Variants in ENOX2 observed in about 807,000 individuals in gnomAD.
The protein encoded by ENOX2 is ecto-NOX disulfide-thiol exchanger 2, also known as APK1 antigen.
Under a neutral mutation model 45.0 loss-of-function variants are expected in ENOX2, and 36 were observed. That is an observed-to-expected ratio of 0.80 (90% CI 0.61 to 1.06). ENOX2 has a LOEUF of 1.06. Among genes scored for constraint, ENOX2 ranks in the 50% least tolerant of loss-of-function variants. The pLI, the probability that ENOX2 is intolerant of heterozygous loss-of-function variation, is 0.00. For synonymous variants in ENOX2, 174 were observed against 152.3 expected, an observed-to-expected ratio of 1.14 and a Z score of -1.05; for missense variants, 423 against 462.5, an observed-to-expected ratio of 0.91 and a Z score of 0.78.
intron 3 of ENOX2, among the ~76,000 whole-genome samples, chrX:130,731,323 A>G (rs776284510): frequency 1.8e-5 from 2 of 112,478 alleles, no homozygotes; most frequent in Non-Finnish European, 3.8e-5. Flanking sequence ...TATAAAAGGC[A>G]TAAAGCCATA....
chrX:130,893,168 T>C (rs1257716502), intron 2 of ENOX2, among the ~76,000 whole-genome samples: 2 of 112,393 alleles, frequency 1.8e-5, no homozygotes, highest in Non-Finnish European at 3.8e-5. Context: ...AGAATTCTTA[T>C]ATGATGCTTG....
chrX:130,814,692 T>C (rs1603357180), intron 2 of ENOX2, among the ~76,000 whole-genome samples: 1 of 111,835 alleles, frequency 8.9e-6, no homozygotes. Context: ...CAGAAAGGAA[T>C]AGCATCAACA....
intron 2 of ENOX2, among the ~76,000 whole-genome samples, chrX:130,891,264 C>T (rs1488002512): frequency 2.7e-5 from 3 of 109,668 alleles, no homozygotes; most frequent in Non-Finnish European, 5.7e-5. Context: ...CTTGTTCAGC[C>T]TCAGAAATAA....
intron 2 of ENOX2, among the ~76,000 whole-genome samples, chrX:130,841,500 C>T (rs2078013696): frequency 8.9e-6 from 1 of 112,118 alleles, no homozygotes; most frequent in South Asian, 3.8e-4. Context: ...TAATCCTTTA[C>T]AGGGCTAGAG....
At chrX:130,626,718 A>G (rs914303228) in intron 14 of ENOX2, among the ~76,000 whole-genome samples, 1 of 111,782 alleles carries the variant, frequency 8.9e-6, no homozygotes. Context: ...GCTAGAATGA[A>G]AGCAAATGCC....
In ENOX2 at chrX:130,875,268, T is replaced by TC. The variant is rs1394847721; in HGVS notation, c.-183+26415_-183+26416insG. On this transcript the variant is annotated intron_variant, in intron 2 of 14. Coordinates refer to ENST00000394363, the MANE Select transcript of ENOX2 (RefSeq NM_006375.4). ...TTGTTTTTGAAATCTAAGCTGGCTT[T>TC]TTTTTTTTTTGCACAAATTGACACA... Among the ~76,000 whole-genome samples the TC allele has an allele frequency of 2.7e-5, 3 of 109,421 alleles. No individual in the cohort carries two copies. In the East Asian group the frequency reaches 8.6e-4, roughly 31 times the overall value.
intron 2 of ENOX2, among the ~76,000 whole-genome samples, chrX:130,813,883 C>T (rs1023747887): frequency 1.8e-5 from 2 of 111,898 alleles, no homozygotes; most frequent in Non-Finnish European, 3.8e-5. Flanking sequence ...GCGCCTGGAA[C>T]GCCAGCAAGA....
chrX:130,881,964 T>C (rs932618389), intron 2 of ENOX2, among the ~76,000 whole-genome samples: 7 of 111,925 alleles, frequency 6.3e-5, no homozygotes, highest in African/African-American at 2.3e-4. Context: ...GAGTGCTAAC[T>C]GTGTGCAAGA....
chrX:130,765,830 T>C (rs1489988390), intron 3 of ENOX2, among the ~76,000 whole-genome samples: 1 of 111,827 alleles, frequency 8.9e-6, no homozygotes, highest in Non-Finnish European at 1.9e-5. Context: ...TATATATTCC[T>C]ACAAATAACA....
At chrX:130,848,863 C>A (rs2078158564) in intron 2 of ENOX2, among the ~76,000 whole-genome samples, 1 of 111,841 alleles carries the variant, frequency 8.9e-6, no homozygotes, top group Non-Finnish European at 1.9e-5. Flanking sequence ...AATGATCTCT[C>A]CTTGAGGAAA....
At chrX:130,858,542 T>G (rs896928788) in intron 2 of ENOX2, among the ~76,000 whole-genome samples, 3 of 111,832 alleles carry the variant, frequency 2.7e-5, no homozygotes, top group Non-Finnish European at 5.6e-5. Context: ...AGGATGACAC[T>G]ATCTTCTTTC....
intron 2 of ENOX2, among the ~76,000 whole-genome samples, chrX:130,888,082 C>T (rs183273896): frequency 6.3e-5 from 7 of 111,872 alleles, no homozygotes; most frequent in Admixed American, 3.8e-4. Context: ...ATTCCCCAAG[C>T]GCAGCTTTCA....
chrX:130,646,095 T>A, intron 10 of ENOX2: 1 of 541,720 alleles, frequency 1.8e-6, no homozygotes, highest in Non-Finnish European at 3.4e-6. Context: ...AAATGGCTGC[T>A]GAGTACTGTG....
chrX:130,884,940 TACAA>T (rs968250595), intron 2 of ENOX2, among the ~76,000 whole-genome samples: 7 of 111,900 alleles, frequency 6.3e-5, no homozygotes, highest in Non-Finnish European at 9.4e-5. Context: ...AGTACAACAG[TACAA>T]ACAAACTAGC....
chrX:130,882,194 G>A (rs2078826823), intron 2 of ENOX2, among the ~76,000 whole-genome samples: 1 of 110,514 alleles, frequency 9.0e-6, no homozygotes, highest in Non-Finnish European at 1.9e-5. Context: ...TTGAAAATTT[G>A]GGGTGTACTT....
At chrX:130,777,837 C>T (rs1474400596) in intron 3 of ENOX2, among the ~76,000 whole-genome samples, 1 of 111,869 alleles carries the variant, frequency 8.9e-6, no homozygotes, top group East Asian at 2.8e-4. Context: ...CTTTTTTGAT[C>T]CTCCAGTTTT....
At chrX:130,819,431 T>G (rs1357565515) in intron 2 of ENOX2, among the ~76,000 whole-genome samples, 2 of 112,123 alleles carry the variant, frequency 1.8e-5, no homozygotes, top group Non-Finnish European at 3.8e-5. Context: ...ACACGTATGT[T>G]TATTGCAGCA....
rs960054268 is a variant in ENOX2 at position 130,688,222 on chromosome X, T to C, written c.253+641A>G. Reference sequence around the variant, plus strand: ...TATTAGTGGGACATTTTAAGTAAAATAGGGCCACCCTATCTTTACACATGT... The same window carrying C: ...TATTAGTGGGACATTTTAAGTAAAACAGGGCCACCCTATCTTTACACATGT... On this transcript the variant is annotated intron_variant, in intron 5 of 14. Coordinates refer to ENST00000394363, the MANE Select transcript of ENOX2 (RefSeq NM_006375.4). Among the ~76,000 whole-genome samples, 3 of 112,237 alleles carry C rather than the reference T, an allele frequency of 2.7e-5. No homozygotes were observed. The Admixed American group carries it at 2.8e-4, about 11-fold the overall frequency.
chrX:130,764,839 C>T (rs1349736875), intron 3 of ENOX2, among the ~76,000 whole-genome samples: 1 of 111,541 alleles, frequency 9.0e-6, no homozygotes, highest in East Asian at 2.8e-4. Flanking sequence ...CAAAAAAGTA[C>T]AATTTAATGA....
Sources: allele counts gnomAD v4.1 joint callset (sites outside exome capture counted in the v4.1 genomes callset), GRCh38; gene constraint gnomAD v4.1.1; transcripts MANE v1.5; gene names NCBI Gene and HGNC (gene_info 2026-07-23, HGNC 2026-07-21).